Variants in TBC1D1 observed in about 807,000 individuals in gnomAD.
TBC1D1 encodes the protein TBC1 (tre-2/USP6, BUB2, cdc16) domain family, member 1.
Under a neutral mutation model 125.6 loss-of-function variants are expected in TBC1D1, and 89 were observed. The ratio of observed to expected loss-of-function variants is 0.71; its 90% CI spans 0.60 to 0.85. The LOEUF (loss-of-function observed/expected upper bound fraction) is 0.85. Among genes scored for constraint, TBC1D1 ranks in the 40% least tolerant of loss-of-function variants. TBC1D1 has a pLI of 0.00. For missense variants in TBC1D1, 1,377 were observed against 1,469.2 expected (o/e 0.94, Z 1.03); for synonymous variants, 565 against 564.1 (o/e 1.00, Z -0.02).
intron 1 of TBC1D1, among the ~76,000 whole-genome samples, chr4:37,893,575 T>C (rs1441761474): frequency 6.6e-6 from 1 of 152,200 alleles, no homozygotes; most frequent in South Asian, 2.1e-4. Context: ...TCCCAGCACT[T>C]TGGGAGTCCA....
intron 1 of TBC1D1, among the ~76,000 whole-genome samples, chr4:37,892,996 C>A (rs1217532297): frequency 6.6e-6 from 1 of 152,154 alleles, no homozygotes; most frequent in Non-Finnish European, 1.5e-5. Flanking sequence ...TTTTTGTGGT[C>A]CAGATCTTCT....
Position 38,014,735 on chromosome 4 carries a change from A to ACC in TBC1D1, c.646_647dup (p.Pro217ArgfsTer95). 7.1e-7 allele frequency: 1 copy of ACC among 1,409,376 alleles called. No homozygotes were observed. The highest frequency in any genetic ancestry group is 9.7e-7 in the Non-Finnish European group (1 of 1,033,144). The allele number at this position is 1,409,376 out of a possible 1,614,324, so 87.3% of individuals were successfully genotyped here. ...CGGGGGTCCGAGAGCCCCCGCCCCA[A>ACC]CCCGCCCCATGCCGCGCCCACAGGG... On this transcript the variant is annotated frameshift_variant, in exon 3 of 20. Transcript: ENST00000261439. LOFTEE classifies it high-confidence loss of function. This position sits in a 1 kb window ranked among gnomAD's most constrained non-coding sequence, Gnocchi z 5.1.
chr4:37,998,499 T>G (rs62298551), intron 2 of TBC1D1, among the ~76,000 whole-genome samples: 14,052 of 152,188 alleles, frequency 0.092, 798 homozygotes, highest in Middle Eastern at 0.2. Flanking sequence ...CCTCCACACC[T>G]CCCTCCTCGT....
At chr4:37,925,613 G>A (rs547043258) in intron 2 of TBC1D1, among the ~76,000 whole-genome samples, 4 of 150,524 alleles carry the variant, frequency 2.7e-5, no homozygotes, top group South Asian at 2.1e-4. Context: ...CTACTTAGGA[G>A]CGGAGGTTGC....
rs142924447 is a variant in TBC1D1 at position 37,893,462 on chromosome 4, A to G, written c.-94+2114A>G. Among the ~76,000 whole-genome samples the G allele has an allele frequency of 1.8e-3, 278 of 152,218 alleles. 1 individual carries two copies. The highest frequency in any genetic ancestry group is 5.9e-3 in the African/African-American group (247 of 41,534). ...CCACGTTAGTTTCAATATTTTATAT[A>G]TTTCTCAGCAGTTTTCATCTCTTGG... is the stretch of plus-strand genomic sequence containing the variant. On this transcript the variant is annotated intron_variant, in intron 1 of 19. Coordinates refer to ENST00000261439, the MANE Select transcript of TBC1D1 (RefSeq NM_015173.4).
At chr4:37,975,029 G>C (rs1350451808) in intron 2 of TBC1D1, among the ~76,000 whole-genome samples, 1 of 152,208 alleles carries the variant, frequency 6.6e-6, no homozygotes, top group East Asian at 1.9e-4. Flanking sequence ...AAGACAAAAA[G>C]ATAAAAGAAA....
At chr4:38,132,676 G>GT (rs1765783439) in intron 18 of TBC1D1, 1 of 167,682 alleles carries the variant, frequency 6.0e-6, no homozygotes, top group Non-Finnish European at 1.5e-5. Flanking sequence ...CTGCAAACAG[G>GT]CTATGATTCT....
intron 2 of TBC1D1, among the ~76,000 whole-genome samples, chr4:37,946,741 A>G (rs1342061397): frequency 6.6e-6 from 1 of 152,170 alleles, no homozygotes; most frequent in Non-Finnish European, 1.5e-5. Context: ...GGCATGAGAA[A>G]GTGGGAGTTG....
intron 12 of TBC1D1, among the ~76,000 whole-genome samples, chr4:38,078,523 G>T (rs1444054827): frequency 6.6e-6 from 1 of 152,178 alleles, no homozygotes; most frequent in African/African-American, 2.4e-5. Context: ...AGGCCCTTGG[G>T]AGGTGATTAA....
At chr4:37,960,388 C>A in intron 2 of TBC1D1, 1 of 1,505,768 alleles carries the variant, frequency 6.6e-7, no homozygotes, top group Non-Finnish European at 9.0e-7. Flanking sequence ...TAAAGTGGGA[C>A]CACGGTCTTA....
intron 2 of TBC1D1, among the ~76,000 whole-genome samples, chr4:37,990,871 C>A (rs1226454457): frequency 6.6e-6 from 1 of 152,230 alleles, no homozygotes; most frequent in African/African-American, 2.4e-5. Flanking sequence ...CCACACAACT[C>A]TGTATTTGTT....
At chr4:38,033,130 C>T (rs1191572295) in intron 7 of TBC1D1, among the ~76,000 whole-genome samples, 1 of 152,164 alleles carries the variant, frequency 6.6e-6, no homozygotes, top group Non-Finnish European at 1.5e-5. Context: ...TAATTTCCTT[C>T]TTTTAAAAGT....
At position 38,118,098 on chromosome 4, in the gene TBC1D1, G is replaced by A. The variant is rs1300547007; in HGVS notation, c.2868G>A (p.Glu956=). The A allele has an allele frequency of 2.5e-6, 4 of 1,614,040 alleles. No homozygotes were observed. The African/African-American group carries it at 4.0e-5, about 16-fold the overall frequency. The change falls in exon 17 of 20, where the codon GAG becomes GAA. Residue 956 remains glutamate (E), a synonymous_variant. Coordinates refer to ENST00000261439, the MANE Select transcript of TBC1D1 (RefSeq NM_015173.4). ...ACAGAGACCTCTACAATCACCTGGA[G>A]GAGCACGAGATCGGCCCCAGCCTCT...
intron 2 of TBC1D1, among the ~76,000 whole-genome samples, chr4:37,950,701 C>T (rs958107012): frequency 6.6e-6 from 1 of 151,556 alleles, no homozygotes. Flanking sequence ...TACATTAGGA[C>T]TCATTCTTGG....
intron 12 of TBC1D1, among the ~76,000 whole-genome samples, chr4:38,077,853 C>T (rs576211671): frequency 6.4e-4 from 97 of 152,158 alleles, no homozygotes; most frequent in African/African-American, 1.9e-3. Flanking sequence ...TGTTATGCGT[C>T]ACCCTGGGTT....
At chr4:37,974,238 ACT>A (rs930186876) in intron 2 of TBC1D1, among the ~76,000 whole-genome samples, 5 of 151,876 alleles carry the variant, frequency 3.3e-5, no homozygotes, top group South Asian at 4.2e-4. Flanking sequence ...GAATGATGTC[ACT>A]TTTTTTTTGA....
intron 12 of TBC1D1, among the ~76,000 whole-genome samples, chr4:38,087,655 A>C (rs1001852636): frequency 6.6e-6 from 1 of 151,962 alleles, no homozygotes; most frequent in Admixed American, 6.6e-5. Context: ...CAGTCTGGCC[A>C]ACATGGTGAA....
chr4:38,107,032 T>A (rs749190068), intron 15 of TBC1D1, among the ~76,000 whole-genome samples: 10 of 150,022 alleles, frequency 6.7e-5, no homozygotes, highest in Non-Finnish European at 1.5e-4. Flanking sequence ...CTCTTTCCCA[T>A]CCTCGCCTGG....
At chr4:37,981,509 A>G (rs1734331639) in intron 2 of TBC1D1, among the ~76,000 whole-genome samples, 1 of 152,184 alleles carries the variant, frequency 6.6e-6, no homozygotes, top group Admixed American at 6.5e-5. Context: ...CAAAGCAGCA[A>G]GCAAATAGGT....
Sources: allele counts gnomAD v4.1 joint callset (sites outside exome capture counted in the v4.1 genomes callset), GRCh38; gene constraint gnomAD v4.1.1; non-coding constraint Gnocchi (gnomAD v3.1); transcripts MANE v1.5; gene names NCBI Gene and HGNC (gene_info 2026-07-23, HGNC 2026-07-21).